Variants in CEP135 observed in about 807,000 individuals in gnomAD.
CEP135 encodes centrosomal protein 135.
CEP135 carries 142 observed loss-of-function variants against 157.3 expected under a neutral mutation model. The ratio of observed to expected loss-of-function variants is 0.90; its 90% CI spans 0.79 to 1.04. The LOEUF (loss-of-function observed/expected upper bound fraction) is 1.04. Among genes scored for constraint, CEP135 ranks in the 50% least tolerant of loss-of-function variants. The probability of loss-of-function intolerance (pLI) is 0.00; values close to 1 mark genes in which losing one functional copy is unlikely to be tolerated. For synonymous variants in CEP135, 396 were observed against 439.8 expected (o/e 0.90, Z 1.25); for missense variants, 1,317 against 1,309.2 (o/e 1.01, Z -0.09).
chr4:56,001,705 T>G (rs1370190921), intron 17 of CEP135, among the ~76,000 whole-genome samples: 1 of 152,132 alleles, frequency 6.6e-6, no homozygotes, highest in African/African-American at 2.4e-5. Flanking sequence ...TTTGTTTTTT[T>G]GCTCAGGATT....
intron 8 of CEP135, among the ~76,000 whole-genome samples, chr4:55,968,187 A>C (rs1260033012): frequency 6.6e-6 from 1 of 152,240 alleles, no homozygotes; most frequent in Non-Finnish European, 1.5e-5. Flanking sequence ...TAAAATACTT[A>C]GAAATAAACT....
intron 19 of CEP135, 43 bp downstream of exon 19, chr4:56,009,946 A>G (rs1426396881): frequency 6.5e-7 from 1 of 1,546,462 alleles, no homozygotes; most frequent in Non-Finnish European, 8.8e-7. Context: ...TATACTTTCC[A>G]TTGTTTGCTA....
At chr4:55,974,054 A>G (rs1437850299) in intron 10 of CEP135, among the ~76,000 whole-genome samples, 1 of 152,176 alleles carries the variant, frequency 6.6e-6, no homozygotes, top group Admixed American at 6.5e-5. Context: ...ATCCTACTAC[A>G]ATTAGAATAG....
At chr4:56,010,213 A>G (rs1335935257) in intron 19 of CEP135, among the ~76,000 whole-genome samples, 3 of 138,368 alleles carry the variant, frequency 2.2e-5, no homozygotes, top group Non-Finnish European at 4.7e-5. Context: ...AAATACAAAA[A>G]TTAGCCAGGC....
chr4:55,960,215 T>A (rs1218007002), intron 6 of CEP135: 1 of 169,342 alleles, frequency 5.9e-6, no homozygotes, highest in East Asian at 1.6e-4. Context: ...ATAATTGTAT[T>A]TTTGTGATTT....
chr4:55,976,830 G>A (rs562198379), intron 11 of CEP135, among the ~76,000 whole-genome samples: 58 of 152,232 alleles, frequency 3.8e-4, no homozygotes, highest in Admixed American at 2.2e-3. Context: ...TATTTATTGA[G>A]ACAGGATATG....
At chr4:56,026,309 AAAAAACAAAAC>A (rs1349326396) in intron 25 of CEP135, among the ~76,000 whole-genome samples, 18 of 152,208 alleles carry the variant, frequency 1.2e-4, no homozygotes, top group South Asian at 6.2e-4. Flanking sequence ...CCCCATCTCA[AAAAAACAAAAC>A]AAAAACAAAA....
At chr4:56,030,849 A>C (rs1731316578) in intron 25 of CEP135, among the ~76,000 whole-genome samples, 1 of 152,168 alleles carries the variant, frequency 6.6e-6, no homozygotes, top group Non-Finnish European at 1.5e-5. Context: ...CACTTTTTTA[A>C]ACAAAAGTAT....
Position 56,011,905 on chromosome 4 carries a change from C to T in CEP135, c.2722C>T (p.Arg908Ter), listed in dbSNP as rs186530606. The change falls in exon 21 of 26, where the codon CGA becomes TGA. Residue 908 changes from arginine to a stop codon, truncating the protein, a stop_gained. Transcript: ENST00000257287. LOFTEE classifies it high-confidence loss of function. Reference sequence around the variant, plus strand: ...AGCTGAGGGAGAAAGCAGCTCAGTTCGACTGGAACTTCTTTCTATTGACAC... The same window carrying T: ...AGCTGAGGGAGAAAGCAGCTCAGTTTGACTGGAACTTCTTTCTATTGACAC... The part of the protein sequence containing the change: ...HQAEGESSSV[R>*]LELLSIDTER... 25 of 1,603,576 alleles carry T rather than the reference C, an allele frequency of 1.6e-5. No individual in the cohort carries two copies. Among genetic ancestry groups the T allele is most frequent in the African/African-American group, 1.1e-4 (8 of 74,320 alleles).
intron 11 of CEP135, 141 bp downstream of exon 11, chr4:55,975,110 A>G (rs1729158090): frequency 5.1e-6 from 3 of 584,432 alleles, no homozygotes; most frequent in Non-Finnish European, 8.9e-6. Context: ...TATGGCCTGC[A>G]CTATAGGAAC....
chr4:55,957,679 A>C (rs2109645434), intron 5 of CEP135, among the ~76,000 whole-genome samples: 1 of 152,352 alleles, frequency 6.6e-6, no homozygotes, highest in African/African-American at 2.4e-5. Context: ...CTTTTGCAAG[A>C]ATCTTTATTG....
intron 18 of CEP135, 80 bp downstream of exon 18, chr4:56,008,462 G>A (rs1003124814): frequency 1.0e-5 from 11 of 1,082,294 alleles, no homozygotes; most frequent in Non-Finnish European, 1.5e-5. Context: ...TAGCATTGCA[G>A]CAATAGAAGA....
At chr4:55,975,589 G>T (rs907092001) in intron 11 of CEP135, among the ~76,000 whole-genome samples, 3 of 152,214 alleles carry the variant, frequency 2.0e-5, no homozygotes, top group African/African-American at 7.2e-5. Context: ...ATTCATGAGA[G>T]ATTAAAATCA....
At position 56,032,823 on chromosome 4, in the gene CEP135, TC is replaced by T. The variant is rs1357026510; in HGVS notation, c.*1477del. On this transcript the variant is annotated 3_prime_UTR_variant, in exon 26 of 26. Transcript: ENST00000257287. ...TCAGTTACTTATGATATATTTTGTTTCCTCTTGTGGTTTAATAAAGTGAAGT... is the reference window on the plus strand; with the variant it reads ...TCAGTTACTTATGATATATTTTGTTTCTCTTGTGGTTTAATAAAGTGAAGT... 1 of 151,166 alleles carries T rather than the reference TC, an allele frequency of 6.6e-6. No homozygotes were observed. The highest frequency in any genetic ancestry group is 1.5e-5 in the Non-Finnish European group (1 of 67,912). The allele number at this position is 151,166 out of a possible 1,614,324, so 9.4% of individuals were successfully genotyped here.
chr4:56,024,436 G>A (rs906492871), intron 24 of CEP135, 65 bp from the exon 25 acceptor site: 1 of 1,118,944 alleles, frequency 8.9e-7, no homozygotes, highest in Non-Finnish European at 1.3e-6. Flanking sequence ...TCTTATATTT[G>A]TTTGCCACTT....
At chr4:55,955,626 A>T (rs1728480485) in intron 4 of CEP135, among the ~76,000 whole-genome samples, 2 of 152,276 alleles carry the variant, frequency 1.3e-5, no homozygotes, top group Non-Finnish European at 2.9e-5. Context: ...CTGAGGAAAG[A>T]ATGGGATAGA....
intron 10 of CEP135, among the ~76,000 whole-genome samples, chr4:55,972,940 G>C (rs1376326322): frequency 6.6e-6 from 1 of 152,126 alleles, no homozygotes; most frequent in African/African-American, 2.4e-5. Flanking sequence ...GCTGAGGCAG[G>C]AGAATCGCTT....
intron 14 of CEP135, 128 bp downstream of exon 14, chr4:55,985,486 C>T (rs571256125): frequency 4.8e-4 from 140 of 290,098 alleles, no homozygotes; most frequent in African/African-American, 2.7e-3. Flanking sequence ...GATGGAGTCT[C>T]GCTCTGTTGC....
chr4:56,012,928 T>C (rs1458704046), intron 21 of CEP135, among the ~76,000 whole-genome samples: 1 of 152,210 alleles, frequency 6.6e-6, no homozygotes, highest in East Asian at 1.9e-4. Context: ...AATTACTGGA[T>C]CATATGATAA....
Sources: gnomAD v4.1 joint callset for allele counts (sites outside exome capture counted in the v4.1 genomes callset) on GRCh38, gnomAD v4.1.1 for gene constraint, MANE v1.5 for transcripts, NCBI Gene and HGNC (gene_info 2026-07-23, HGNC 2026-07-21) for gene names.